The following SDK2 variants were observed in gnomAD, a reference collection of about 807,000 sequenced individuals.
SDK2 encodes the protein sidekick cell adhesion molecule 2, also known as protein sidekick-2.
In SDK2, 105 loss-of-function variants were observed where a neutral mutation model predicts 253.9. The ratio of observed to expected loss-of-function variants is 0.41; its 90% CI spans 0.35 to 0.49. The LOEUF is 0.49. Among genes scored for constraint, SDK2 ranks in the 20% least tolerant of loss-of-function variants. The pLI is 0.06. For synonymous variants in SDK2, 1,249 were observed against 1,234.9 expected (o/e 1.01, Z -0.24); for missense variants, 2,608 against 3,003.0 (o/e 0.87, Z 3.07).
chr17:73,525,619 C>A (rs1448663892), intron 1 of SDK2, among the ~76,000 whole-genome samples: 1 of 152,124 alleles, frequency 6.6e-6, no homozygotes, highest in Non-Finnish European at 1.5e-5. Flanking sequence ...ACCACCACCT[C>A]CTCTGCCTCT....
At chr17:73,479,348 T>C (rs1200154340) in intron 2 of SDK2, among the ~76,000 whole-genome samples, 1 of 152,226 alleles carries the variant, frequency 6.6e-6, no homozygotes, top group East Asian at 1.9e-4. Flanking sequence ...TCTGTGCGTG[T>C]GTGTGTGTGT....
chr17:73,428,195 G>A (rs1599556962), intron 12 of SDK2, among the ~76,000 whole-genome samples: 1 of 152,106 alleles, frequency 6.6e-6, no homozygotes, highest in East Asian at 1.9e-4. Context: ...AGTGGCTCAC[G>A]CCTGTAATCC....
chr17:73,383,770 AGGTTTCAGGTTAGAGT>A lies in SDK2; in HGVS notation c.4705+90_4705+105del. The A allele has an allele frequency of 5.0e-6, 7 of 1,396,550 alleles. No homozygotes were observed. The highest frequency in any genetic ancestry group is 6.9e-6 in the Non-Finnish European group (7 of 1,008,212). 86.5% of individuals were successfully genotyped at this position (1,396,550 alleles called of 1,614,324 possible). ...GAGGCACACATGGAGGAGGGAGGCA[AGGTTTCAGGTTAGAGT>A]GGTTCCAGGAAGCTGAGAGCTCCAG... On this transcript the variant is annotated intron_variant, in intron 33 of 44. Coordinates refer to ENST00000392650, the MANE Select transcript of SDK2 (RefSeq NM_001144952.2). This position sits in a 1 kb window ranked among gnomAD's most constrained non-coding sequence, Gnocchi z 4.3.
chr17:73,636,253 CAT>C (rs1264821707), intron 1 of SDK2, among the ~76,000 whole-genome samples: 1 of 152,110 alleles, frequency 6.6e-6, no homozygotes, highest in East Asian at 1.9e-4. Context: ...ACTTTATCCA[CAT>C]GTCAGAGTGA....
intron 1 of SDK2, among the ~76,000 whole-genome samples, chr17:73,636,285 C>T (rs369198544): frequency 2.6e-5 from 4 of 152,092 alleles, no homozygotes; most frequent in South Asian, 2.1e-4. Flanking sequence ...CTGAGGCAGA[C>T]GATGGTTGTA....
chr17:73,633,099 C>G (rs571927096), intron 1 of SDK2, among the ~76,000 whole-genome samples: 3 of 149,420 alleles, frequency 2.0e-5, no homozygotes, highest in Non-Finnish European at 4.4e-5. Context: ...ACTAGGCAAC[C>G]GAGCAAGACC....
At chr17:73,453,277 CAGA>C (rs202240445) in intron 4 of SDK2, among the ~76,000 whole-genome samples, 1,754 of 152,148 alleles carry the variant, frequency 0.012, 42 homozygotes, top group African/African-American at 0.04. Context: ...CAGCCAAGAC[CAGA>C]AGAACCACCC....
chr17:73,451,323 A>G (rs929010350), intron 4 of SDK2, among the ~76,000 whole-genome samples: 1 of 152,174 alleles, frequency 6.6e-6, no homozygotes, highest in Non-Finnish European at 1.5e-5. Flanking sequence ...CCTGATCAAC[A>G]TGGTAAAACC....
At chr17:73,340,734 GTT>G (rs10638504) in intron 44 of SDK2, among the ~76,000 whole-genome samples, 1 of 77,558 alleles carries the variant, frequency 1.3e-5, no homozygotes, top group African/African-American at 5.2e-5. Context: ...AAACCTTAAA[GTT>G]TTTTTTTTTT....
At chr17:73,543,203 T>C (rs940756282) in intron 1 of SDK2, among the ~76,000 whole-genome samples, 1 of 152,008 alleles carries the variant, frequency 6.6e-6, no homozygotes. Flanking sequence ...TCATCCAGGA[T>C]GTGAGGACTC....
At chr17:73,418,452 C>A (rs762718621) in intron 16 of SDK2, among the ~76,000 whole-genome samples, 1 of 152,154 alleles carries the variant, frequency 6.6e-6, no homozygotes, top group Admixed American at 6.5e-5. Context: ...ACTTTGAGAA[C>A]CACCGCCCTT....
At chr17:73,637,210 A>G (rs1172258978) in intron 1 of SDK2, among the ~76,000 whole-genome samples, 1 of 152,108 alleles carries the variant, frequency 6.6e-6, no homozygotes, top group Non-Finnish European at 1.5e-5. Flanking sequence ...AGAGACCACA[A>G]TGTCTTCTCT....
rs2063727016 is a variant in SDK2, at chr17:73,481,877, T to G, written c.225-9659A>C. Among the ~76,000 whole-genome samples, 1 of 152,156 alleles carries G rather than the reference T, an allele frequency of 6.6e-6. No homozygotes were observed. The highest frequency in any genetic ancestry group is 1.5e-5 in the Non-Finnish European group (1 of 68,032). On this transcript the variant is annotated intron_variant, in intron 2 of 44. Transcript: ENST00000392650. This position sits in a 1 kb window ranked among gnomAD's most constrained non-coding sequence, Gnocchi z 4.5. ...CGGCAGTTGGTGTTCTTGGCTGGCC[T>G]CCATAACCACATGGGCCAAGTCCCA... is the stretch of plus-strand genomic sequence containing the variant.
chr17:73,472,211 T>G lies in SDK2; in HGVS notation c.232A>C (p.Ile78Leu), dbSNP rs1016823366. 2.6e-6 allele frequency: 4 copies of G among 1,551,440 alleles called. No homozygotes were observed. The highest frequency in any genetic ancestry group is 1.7e-4 in the Middle Eastern group (1 of 5,992). Residue 78 changes from isoleucine (I) to leucine (L), a missense_variant, in exon 3 of 45, where the codon ATC (isoleucine) becomes CTC (leucine). Transcript: ENST00000392650. ...TKFSLEYRYMITSLDRTHAGF... is the reference protein window; with the variant it reads ...TKFSLEYRYMLTSLDRTHAGF... ...GCGTGGGTGCGGTCCAGGCTGGTGA[T>G]CATGTATCTATGGGACAGACGAGAC...
intron 38 of SDK2, among the ~76,000 whole-genome samples, chr17:73,364,438 C>T (rs1322111302): frequency 2.0e-5 from 3 of 152,072 alleles, no homozygotes; most frequent in African/African-American, 7.2e-5. Context: ...GTGCAGGGAC[C>T]TCCTTGGTCT....
intron 28 of SDK2, 28 bp from the exon 29 acceptor site, chr17:73,390,509 T>C (rs1298723438): frequency 4.4e-6 from 7 of 1,588,950 alleles, no homozygotes; most frequent in African/African-American, 4.0e-5. Flanking sequence ...ATGGCTATTA[T>C]GGCAAGCAAG....
chr17:73,414,495 CT>C, intron 18 of SDK2, 148 bp downstream of exon 18: 1 of 639,176 alleles, frequency 1.6e-6, no homozygotes, highest in Non-Finnish European at 2.8e-6. Context: ...GCCTGGAACT[CT>C]TTTCCTCTAA....
intron 1 of SDK2, among the ~76,000 whole-genome samples, chr17:73,543,998 A>G (rs116045937): frequency 0.028 from 4,229 of 152,324 alleles, 200 homozygotes; most frequent in African/African-American, 0.096. Context: ...GTCACCCTTC[A>G]GCATGGTCTT....
chr17:73,430,610 C>A lies in SDK2; in HGVS notation c.1484G>T (p.Arg495Leu). 1 of 1,559,090 alleles carries A rather than the reference C, an allele frequency of 6.4e-7. No homozygotes were observed. Reference protein sequence around the residue: ...EASADLVVWARTRITKPPQDQ... With the variant: ...EASADLVVWALTRITKPPQDQ... ...CTGGGGGGGCTTGGTGATGCGGGTC[C>A]GAGCTGAAAGATACAGCGGAGACAG... The change falls in exon 12 of 45, where the codon CGG becomes CTG. Residue 495 changes from arginine (R) to leucine (L), a missense_variant. Physicochemically the swap from Arg to Leu is moderately radical, Grantham distance 102. Coordinates refer to ENST00000392650, the MANE Select transcript of SDK2 (RefSeq NM_001144952.2).
Sources: allele counts gnomAD v4.1 joint callset (sites outside exome capture counted in the v4.1 genomes callset), GRCh38; gene constraint gnomAD v4.1.1; non-coding constraint Gnocchi (gnomAD v3.1); transcripts MANE v1.5; gene names NCBI Gene and HGNC (gene_info 2026-07-23, HGNC 2026-07-21).